The following PPARGC1A variants were observed in gnomAD, a reference collection of about 807,000 sequenced individuals.
PPARGC1A encodes peroxisome proliferator-activated receptor gamma coactivator 1-alpha.
Under a neutral mutation model 88.7 loss-of-function variants are expected in PPARGC1A, and 25 were observed. That is an observed-to-expected ratio of 0.28 (90% confidence interval 0.21 to 0.39). The LOEUF (loss-of-function observed/expected upper bound fraction) is 0.39, where lower values mean the gene tolerates loss of function less well. PPARGC1A is among the 10% of genes least tolerant of loss of function. The pLI is 1.00. For synonymous variants in PPARGC1A, 363 were observed against 355.6 expected (o/e 1.02, Z -0.24); for missense variants, 880 against 968.7 (o/e 0.91, Z 1.22).
At chr4:24,222,429 C>T in the PPARGC1A span, among the ~76,000 whole-genome samples, 1 of 152,322 alleles carries the variant, frequency 6.6e-6, no homozygotes, top group East Asian at 1.9e-4. Context: ...ATACTTATCT[C>T]ATAGAGTTAG....
chr4:23,852,274 T>G (rs975255032), intron 2 of PPARGC1A, among the ~76,000 whole-genome samples: 3 of 152,178 alleles, frequency 2.0e-5, no homozygotes, highest in African/African-American at 7.2e-5. Flanking sequence ...TTTTAAACAT[T>G]ATTAGATTAC....
the PPARGC1A span, among the ~76,000 whole-genome samples, chr4:24,005,886 G>A: frequency 3.8e-4 from 58 of 152,202 alleles, no homozygotes; most frequent in African/African-American, 1.4e-3. Flanking sequence ...ATTAAGTGTG[G>A]GAGTTGGAAG....
chr4:24,084,360 G>A, the PPARGC1A span, among the ~76,000 whole-genome samples: 1 of 152,214 alleles, frequency 6.6e-6, no homozygotes, highest in Non-Finnish European at 1.5e-5. Flanking sequence ...AGGTTGCTTA[G>A]CCTTGAGAGC....
chr4:24,072,582 A>T, the PPARGC1A span, among the ~76,000 whole-genome samples: 1 of 152,140 alleles, frequency 6.6e-6, no homozygotes, highest in East Asian at 1.9e-4. Context: ...GAGTCCTCCA[A>T]GATCAACAAC....
At chr4:24,428,128 A>G in the PPARGC1A span, among the ~76,000 whole-genome samples, 1 of 151,518 alleles carries the variant, frequency 6.6e-6, no homozygotes, top group South Asian at 2.1e-4. Flanking sequence ...TGTCTCCAAA[A>G]AAAAAAAAAG....
chr4:24,140,596 G>A, the PPARGC1A span, among the ~76,000 whole-genome samples: 334 of 152,280 alleles, frequency 2.2e-3, 1 homozygote, highest in African/African-American at 7.5e-3. Flanking sequence ...CAGGACTTGT[G>A]TGCAAGGAAA....
At chr4:23,897,381 T>TG (rs1413510928) in intron 1 of PPARGC1A, among the ~76,000 whole-genome samples, 1 of 152,184 alleles carries the variant, frequency 6.6e-6, no homozygotes, top group Non-Finnish European at 1.5e-5. Context: ...AAGAAGAACA[T>TG]GGCCCTCATT....
At chr4:24,421,887 C>T in the PPARGC1A span, among the ~76,000 whole-genome samples, 1 of 151,836 alleles carries the variant, frequency 6.6e-6, no homozygotes, top group East Asian at 1.9e-4. Context: ...TACTGCTTTT[C>T]CATGGTAGTG....
chr4:24,017,805 G>T, the PPARGC1A span, among the ~76,000 whole-genome samples: 640 of 152,256 alleles, frequency 4.2e-3, 6 homozygotes, highest in African/African-American at 0.015. Context: ...CTTAACAAAT[G>T]GCAAAAGTGT....
chr4:24,018,904 A>G, the PPARGC1A span, among the ~76,000 whole-genome samples: 1 of 152,210 alleles, frequency 6.6e-6, no homozygotes. Flanking sequence ...TAGATAAGCA[A>G]AAAAAGTAAT....
chr4:23,873,217 T>C (rs13106382), intron 2 of PPARGC1A, among the ~76,000 whole-genome samples: 1 of 106,090 alleles, frequency 9.4e-6, no homozygotes, highest in Non-Finnish European at 1.9e-5. Flanking sequence ...AAATAAAAAA[T>C]AAAAAATAAA....
the PPARGC1A span, among the ~76,000 whole-genome samples, chr4:24,393,448 G>A: frequency 2.0e-5 from 3 of 152,142 alleles, no homozygotes; most frequent in African/African-American, 7.2e-5. Context: ...ACTAAGACAA[G>A]AATAACATAA....
At chr4:23,990,973 G>T in the PPARGC1A span, among the ~76,000 whole-genome samples, 1 of 138,350 alleles carries the variant, frequency 7.2e-6, no homozygotes, top group East Asian at 1.9e-4. Flanking sequence ...CCCTACAAGA[G>T]TTTGGAAGCT....
chr4:24,048,903 C>G, the PPARGC1A span, among the ~76,000 whole-genome samples: 2 of 152,050 alleles, frequency 1.3e-5, no homozygotes, highest in Non-Finnish European at 2.9e-5. Flanking sequence ...TATCCTTAGT[C>G]AACATATGGC....
the PPARGC1A span, among the ~76,000 whole-genome samples, chr4:24,052,686 C>T: frequency 6.7e-6 from 1 of 150,244 alleles, no homozygotes; most frequent in African/African-American, 2.4e-5. Context: ...ATTTCCAGTG[C>T]TCTCATTTTA....
At chr4:23,932,242 T>C in the PPARGC1A span, among the ~76,000 whole-genome samples, 1 of 152,170 alleles carries the variant, frequency 6.6e-6, no homozygotes, top group Non-Finnish European at 1.5e-5. Flanking sequence ...CCCAAATACA[T>C]GAGAAGACAG....
At chr4:24,128,375 A>G in the PPARGC1A span, among the ~76,000 whole-genome samples, 1 of 152,222 alleles carries the variant, frequency 6.6e-6, no homozygotes, top group Non-Finnish European at 1.5e-5. Flanking sequence ...AGTGCCTCAT[A>G]AATTCTAAGT....
At chr4:23,956,963 C>T in the PPARGC1A span, among the ~76,000 whole-genome samples, 3 of 152,032 alleles carry the variant, frequency 2.0e-5, no homozygotes, top group South Asian at 2.1e-4. Flanking sequence ...TTACAGATAA[C>T]GAAACTAATA....
the PPARGC1A span, among the ~76,000 whole-genome samples, chr4:24,021,583 A>G: frequency 6.6e-6 from 1 of 152,120 alleles, no homozygotes; most frequent in Non-Finnish European, 1.5e-5. Flanking sequence ...TAGTGTTAGG[A>G]GTAAGTATAA....
Sources: allele counts gnomAD v4.1 joint callset (sites outside exome capture counted in the v4.1 genomes callset), GRCh38; gene constraint gnomAD v4.1.1; transcripts MANE v1.5; gene names NCBI Gene and HGNC (gene_info 2026-07-23, HGNC 2026-07-21).